Variants in PSIP1 observed in about 807,000 individuals in gnomAD.
The protein encoded by PSIP1 is PC4 and SFRS1-interacting protein.
In PSIP1, 19 loss-of-function variants were observed where a neutral mutation model predicts 74.7. The ratio of observed to expected loss-of-function variants is 0.25; its 90% CI spans 0.18 to 0.37. PSIP1 has a LOEUF of 0.37. Among genes scored for constraint, PSIP1 ranks in the 10% least tolerant of loss-of-function variants. PSIP1 has a pLI of 1.00. For synonymous variants in PSIP1, 222 were observed against 195.3 expected (o/e 1.14, Z -1.14); for missense variants, 601 against 614.3 (o/e 0.98, Z 0.23).
At chr9:15,484,517 G>A (rs925240827) in intron 6 of PSIP1, among the ~76,000 whole-genome samples, 5 of 151,842 alleles carry the variant, frequency 3.3e-5, no homozygotes, top group African/African-American at 7.3e-5. Flanking sequence ...TTGAGGCCAG[G>A]AGTTCAAGAC....
chr9:15,483,508 G>C (rs888646042), intron 6 of PSIP1, among the ~76,000 whole-genome samples: 7 of 152,078 alleles, frequency 4.6e-5, no homozygotes, highest in Non-Finnish European at 8.8e-5. Context: ...TTGTAGCCTA[G>C]TCTGTTGCCA....
At chr9:15,500,190 G>C (rs1289825042) in intron 3 of PSIP1, among the ~76,000 whole-genome samples, 1 of 152,154 alleles carries the variant, frequency 6.6e-6, no homozygotes, top group African/African-American at 2.4e-5. Context: ...AATAGGGCTG[G>C]GCGTGGTGGC....
chr9:15,496,025 T>C (rs1406909190), intron 3 of PSIP1, among the ~76,000 whole-genome samples: 1 of 152,204 alleles, frequency 6.6e-6, no homozygotes, highest in African/African-American at 2.4e-5. Context: ...GGGACATCAT[T>C]AGGAGACAGA....
chr9:15,467,282 G>A (rs1197711667), intron 14 of PSIP1, among the ~76,000 whole-genome samples: 1 of 152,164 alleles, frequency 6.6e-6, no homozygotes, highest in Non-Finnish European at 1.5e-5. Context: ...TGCTAAAGGA[G>A]TATTTCCTAA....
chr9:15,493,766 A>T (rs577985210), intron 3 of PSIP1, among the ~76,000 whole-genome samples: 1 of 152,160 alleles, frequency 6.6e-6, no homozygotes, highest in East Asian at 1.9e-4. Flanking sequence ...ATCTCATGAG[A>T]CTCACTATCA....
At chr9:15,471,826 T>G in intron 10 of PSIP1, 1 of 958,780 alleles carries the variant, frequency 1.0e-6, no homozygotes, top group Non-Finnish European at 1.2e-6. Context: ...TTTGTCTTAT[T>G]GACCTAGAGC....
At position 15,464,438 on chromosome 9, in the gene PSIP1, C is replaced by T. The variant is rs1369135974; in HGVS notation, c.*1082G>A. 4 of 199,070 alleles carry T rather than the reference C, an allele frequency of 2.0e-5. No homozygotes were observed. The highest frequency in any genetic ancestry group is 4.1e-5 in the Non-Finnish European group (4 of 96,578). The allele number at this position is 199,070 out of a possible 1,614,324, so 12.3% of individuals were successfully genotyped here. A position where few individuals can be genotyped will look rare whatever the true frequency, so the allele number is the denominator to read the frequency against. On this transcript the variant is annotated 3_prime_UTR_variant, in exon 16 of 16. Coordinates refer to ENST00000380733, the MANE Select transcript of PSIP1 (RefSeq NM_033222.5). ...AATGCTATCCTTTAGTTAACATACC[C>T]TTAAATTTTGTAACATTGATTTTAC... is the stretch of plus-strand genomic sequence containing the variant.
At chr9:15,472,413 A>G (rs1058252) in intron 10 of PSIP1, 1,130,844 of 1,341,546 alleles carry the variant, frequency 0.84, 480,839 homozygotes, top group Admixed American at 0.87. Flanking sequence ...AAATTCAAAA[A>G]TAATTCACAG....
chr9:15,506,710 G>T, intron 2 of PSIP1, 73 bp from the exon 3 acceptor site: 1 of 1,133,822 alleles, frequency 8.8e-7, no homozygotes. Flanking sequence ...ATAAACAAGA[G>T]CACAACATCC....
chr9:15,494,456 T>C (rs753870082), intron 3 of PSIP1, among the ~76,000 whole-genome samples: 1 of 150,770 alleles, frequency 6.6e-6, no homozygotes, highest in African/African-American at 2.4e-5. Flanking sequence ...TCCCAGCTAC[T>C]TGGGAGGCTG....
intron 8 of PSIP1, among the ~76,000 whole-genome samples, chr9:15,476,192 T>G (rs1313346042): frequency 6.6e-6 from 1 of 152,086 alleles, no homozygotes; most frequent in African/African-American, 2.4e-5. Flanking sequence ...GAATAAGAAA[T>G]AAACGTTGTA....
chr9:15,490,853 T>C (rs1247102589), intron 3 of PSIP1, among the ~76,000 whole-genome samples: 6 of 152,176 alleles, frequency 3.9e-5, no homozygotes, highest in African/African-American at 1.4e-4. Context: ...GTTTTTAAAA[T>C]AATCAGTGAG....
chr9:15,505,095 C>G (rs971189238), intron 3 of PSIP1: 1 of 151,894 alleles, frequency 6.6e-6, no homozygotes, highest in African/African-American at 2.4e-5. Flanking sequence ...TGTGCCACCA[C>G]AAACGGCTAA....
At chr9:15,506,420 T>G in intron 3 of PSIP1, 141 bp downstream of exon 3, 2 of 531,606 alleles carry the variant, frequency 3.8e-6, no homozygotes, top group South Asian at 3.9e-5. Flanking sequence ...ACCTTAAAAA[T>G]AGAGACTTAA....
chr9:15,508,299 C>T lies in PSIP1; in HGVS notation c.73-1662G>A, dbSNP rs376758092. On this transcript the variant is annotated intron_variant, in intron 2 of 15. Coordinates refer to ENST00000380733, the MANE Select transcript of PSIP1 (RefSeq NM_033222.5). ...TTCAAATTTTTAAGAATGAAGAAGA[C>T]AGAAAAAGGAATGTAACTGTTGGAC... is the stretch of plus-strand genomic sequence containing the variant. Among the ~76,000 whole-genome samples the T allele has an allele frequency of 5.9e-5, 9 of 152,072 alleles. No individual in the cohort carries two copies. In the East Asian group the frequency reaches 7.7e-4, roughly 13 times the overall value.
chr9:15,474,857 A>C (rs2036006892), intron 8 of PSIP1, among the ~76,000 whole-genome samples: 1 of 152,220 alleles, frequency 6.6e-6, no homozygotes, highest in African/African-American at 2.4e-5. Flanking sequence ...TTCTTTTACA[A>C]ATAAATACTT....
chr9:15,472,561 A>G, intron 10 of PSIP1, 71 bp downstream of exon 10: 1 of 1,521,072 alleles, frequency 6.6e-7, no homozygotes, highest in Non-Finnish European at 8.7e-7. Flanking sequence ...GGAAAATGAA[A>G]GTCTATTATT....
Position 15,472,613 on chromosome 9 carries a change from G to T in PSIP1, c.977+19C>A. On this transcript the variant is annotated intron_variant, in intron 10 of 15. Transcript: ENST00000380733. ...GCCTTTAAAAAGAACCCAAAATTTA[G>T]AAAAAAAAAAATACTTACTGCTCAG... 8.3e-7 allele frequency: 1 copy of T among 1,208,452 alleles called. No homozygotes were observed. Among genetic ancestry groups the T allele is most frequent in the Middle Eastern group, 2.1e-4 (1 of 4,712 alleles). 74.9% of individuals were successfully genotyped at this position (1,208,452 alleles called of 1,614,324 possible). A position where few individuals can be genotyped will look rare whatever the true frequency, so the allele number is the denominator to read the frequency against.
chr9:15,487,241 C>T (rs532538942), intron 4 of PSIP1, among the ~76,000 whole-genome samples: 1 of 151,682 alleles, frequency 6.6e-6, no homozygotes, highest in Non-Finnish European at 1.5e-5. Context: ...CAAGGCTTGG[C>T]AATTTGGAGG....
Sources: allele counts gnomAD v4.1 joint callset (sites outside exome capture counted in the v4.1 genomes callset), GRCh38; gene constraint gnomAD v4.1.1; transcripts MANE v1.5; gene names NCBI Gene and HGNC (gene_info 2026-07-23, HGNC 2026-07-21).